The following VPS33A variants were observed in gnomAD, a reference collection of about 807,000 sequenced individuals.
VPS33A encodes the protein VPS33A core subunit of CORVET and HOPS complexes, also known as vacuolar protein sorting-associated protein 33A.
A neutral mutation model predicts 71.8 loss-of-function variants in VPS33A; 32 were observed. The observed-to-expected ratio is 0.45, with a 90% CI of 0.34 to 0.60. VPS33A has a LOEUF of 0.60. VPS33A is among the 20% of genes least tolerant of loss of function. The probability of loss-of-function intolerance (pLI) is 0.02; values close to 1 mark genes in which losing one functional copy is unlikely to be tolerated. For synonymous variants in VPS33A, 311 were observed against 292.7 expected, an observed-to-expected ratio of 1.06 and a Z score of -0.64; for missense variants, 625 against 748.5, an observed-to-expected ratio of 0.84 and a Z score of 1.92.
chr12:122,241,971 G>C (rs534771176), intron 8 of VPS33A, among the ~76,000 whole-genome samples: 21 of 151,824 alleles, frequency 1.4e-4, no homozygotes, highest in Non-Finnish European at 2.9e-4. Context: ...GCAGTGGCGT[G>C]ATGTCGGCTC....
intron 5 of VPS33A, 116 bp downstream of exon 5, chr12:122,250,867 C>T (rs930138078): frequency 5.1e-5 from 39 of 758,200 alleles, no homozygotes; most frequent in Non-Finnish European, 7.2e-5. Context: ...TTCATGAGTA[C>T]AGTATTCATA....
chr12:122,262,572 T>TA lies in VPS33A; in HGVS notation c.296+999dup, dbSNP rs1333832228. 6.6e-5 allele frequency among the ~76,000 whole-genome samples: 10 copies of TA among 150,580 alleles called. No individual in the cohort carries two copies. The East Asian group carries it at 2.0e-3, about 29-fold the overall frequency. ...GACTCGGCTGGGAGCACTTCCTCTA[T>TA]AGACTGGATGCTATATTAAAATTTA... On this transcript the variant is annotated intron_variant, in intron 3 of 12. Transcript: ENST00000267199.
At chr12:122,246,193 T>C (rs772064667) in intron 6 of VPS33A, among the ~76,000 whole-genome samples, 1 of 152,122 alleles carries the variant, frequency 6.6e-6, no homozygotes, top group Non-Finnish European at 1.5e-5. Context: ...TAATCTGATA[T>C]ATGAAAAAAA....
chr12:122,250,150 A>G, intron 5 of VPS33A, 105 bp from the exon 6 acceptor site: 1 of 1,228,926 alleles, frequency 8.1e-7, no homozygotes, highest in South Asian at 1.6e-5. Context: ...AAGGAGAAAA[A>G]CTGGAAGAGT....
chr12:122,232,307 G>C lies in VPS33A; in HGVS notation c.1730C>G (p.Ala577Gly). The C allele has an allele frequency of 1.2e-6, 2 of 1,614,112 alleles. No homozygotes were observed. Among genetic ancestry groups the C allele is most frequent in the Non-Finnish European group, 1.7e-6 (2 of 1,180,028 alleles). Residue 577 changes from alanine to glycine, a missense_variant, in exon 13 of 13, where the codon GCC (alanine) becomes GGC (glycine). By Grantham distance (60) the Ala-to-Gly change is moderately conservative (BLOSUM62 0). Coordinates refer to ENST00000267199, the MANE Select transcript of VPS33A (RefSeq NM_022916.6). ...LEDGGTEYVI[A>G]TTKLMNGTSW... ...GGTTCCATTCATTAGTTTAGTGGTG[G>C]CAATGACATATTCTGTACCTCCATC...
intron 6 of VPS33A, 65 bp downstream of exon 6, chr12:122,249,806 G>C: frequency 6.9e-7 from 1 of 1,445,596 alleles, no homozygotes; most frequent in Non-Finnish European, 9.4e-7. Context: ...TATACAAACA[G>C]TAGCCTCCAC....
chr12:122,249,735 A>T, intron 6 of VPS33A, 136 bp downstream of exon 6: 1 of 912,164 alleles, frequency 1.1e-6, no homozygotes, highest in Non-Finnish European at 1.6e-6. Flanking sequence ...GGTCTGTATT[A>T]ATCTACACTC....
Position 122,244,666 on chromosome 12 carries a change from G to A in VPS33A, c.872C>T (p.Ser291Phe). 4 of 1,614,182 alleles carry A rather than the reference G, an allele frequency of 2.5e-6. No homozygotes were observed. The highest frequency in any genetic ancestry group is 3.4e-6 in the Non-Finnish European group (4 of 1,180,030). The change falls in exon 7 of 13, where the codon TCT becomes TTT. Residue 291 changes from serine (S) to phenylalanine (F), a missense_variant. By Grantham distance (155) the Ser-to-Phe change is radical (BLOSUM62 -2). Transcript: ENST00000267199. ...GATCTCAGCATAGAGCTCCTCTGCA[G>A]AATTCAGCTGCAGCTTCTTTGCTTC... is the stretch of plus-strand genomic sequence containing the variant. ...PTEAKKLQLNSAEELYAEIRD... is the reference protein window; with the variant it reads ...PTEAKKLQLNFAEELYAEIRD...
At chr12:122,260,967 T>C (rs1385993890) in intron 4 of VPS33A, among the ~76,000 whole-genome samples, 3 of 152,158 alleles carry the variant, frequency 2.0e-5, no homozygotes, top group Non-Finnish European at 4.4e-5. Context: ...AGAGCGAGAC[T>C]CCGTCTCAAA....
At chr12:122,243,574 C>T (rs1188842887) in intron 7 of VPS33A, among the ~76,000 whole-genome samples, 4 of 152,048 alleles carry the variant, frequency 2.6e-5, no homozygotes, top group African/African-American at 7.2e-5. Flanking sequence ...ATGAACAAAG[C>T]GAACATAGCT....
intron 4 of VPS33A, among the ~76,000 whole-genome samples, chr12:122,258,408 G>C (rs1246551377): frequency 6.6e-6 from 1 of 151,968 alleles, no homozygotes; most frequent in Non-Finnish European, 1.5e-5. Flanking sequence ...ATCTCACCAA[G>C]AAAGTGAAAA....
rs767046334 is a variant in VPS33A at position 122,249,913 on chromosome 12, T to A, written c.733A>T (p.Thr245Ser). ...ATTTCATCAATGAGTCCTTCATATG[T>A]CAGCTGAGTGGCAAGAGGTGTTAAT... is the stretch of plus-strand genomic sequence containing the variant. ...DLLTPLATQL[T>S]YEGLIDEIYG... is the part of the protein sequence containing the mutation. Residue 245 changes from threonine (T) to serine (S), a missense_variant, in exon 6 of 13, where the codon ACA becomes TCA. Coordinates refer to ENST00000267199, the MANE Select transcript of VPS33A (RefSeq NM_022916.6). 1 of 1,614,056 alleles carries A rather than the reference T, an allele frequency of 6.2e-7. No homozygotes were observed. Among genetic ancestry groups the A allele is most frequent in the South Asian group, 1.1e-5 (1 of 91,042 alleles).
chr12:122,260,761 G>A (rs542216659), intron 4 of VPS33A, among the ~76,000 whole-genome samples: 3 of 152,154 alleles, frequency 2.0e-5, no homozygotes, highest in African/African-American at 4.8e-5. Flanking sequence ...GGAGGCGGGC[G>A]GATCATGAAG....
rs1218231123 is a variant in VPS33A, at chr12:122,238,604, T to C, written c.1285A>G (p.Lys429Glu). ...ATACTCACCTGGAGAATCTCTCTTT[T>C]GTAATAATCCAAAACTTTTTGTTTG... ...GLKQKVLDYY[K>E]REILQTYGYE... The change falls in exon 10 of 13, where the codon AAA becomes GAA. Residue 429 changes from lysine to glutamate, a missense_variant. Lys to Glu is a moderately conservative substitution (Grantham distance 56). Transcript: ENST00000267199. The C allele has an allele frequency of 6.2e-7, 1 of 1,609,990 alleles. No individual in the cohort carries two copies. The highest frequency in any genetic ancestry group is 8.5e-7 in the Non-Finnish European group (1 of 1,178,810).
intron 6 of VPS33A, among the ~76,000 whole-genome samples, chr12:122,246,342 C>T (rs1002332609): frequency 4.6e-5 from 7 of 152,050 alleles, no homozygotes; most frequent in African/African-American, 1.7e-4. Flanking sequence ...CTCTCTCGCC[C>T]AGGCTGGAGT....
chr12:122,238,655 G>A lies in VPS33A; in HGVS notation c.1234C>T (p.Leu412Phe). 6.2e-7 allele frequency: 1 copy of A among 1,613,870 alleles called. No individual in the cohort carries two copies. Among genetic ancestry groups the A allele is most frequent in the Non-Finnish European group, 8.5e-7 (1 of 1,179,972 alleles). The part of the protein sequence containing the change: ...SLIKVLRLVC[L>F]QSVCNSGLKQ... ...AGCCCACTATTACACACGGATTGGA[G>A]GCAAACTAGTCTTAACACCTTGATC... Residue 412 changes from leucine to phenylalanine, a missense_variant, in exon 10 of 13, where the codon CTC (leucine) becomes TTC (phenylalanine). Transcript: ENST00000267199.
At chr12:122,265,887 G>C (rs1371006335) in intron 1 of VPS33A, among the ~76,000 whole-genome samples, 1 of 152,208 alleles carries the variant, frequency 6.6e-6, no homozygotes, top group Admixed American at 6.5e-5. Flanking sequence ...CATAACACGC[G>C]TGAGCAGCAG....
intron 4 of VPS33A, among the ~76,000 whole-genome samples, chr12:122,253,699 G>T (rs1348742454): frequency 6.6e-6 from 1 of 151,756 alleles, no homozygotes; most frequent in East Asian, 1.9e-4. Flanking sequence ...TTTAATCTTG[G>T]TTGTTTTTCC....
At chr12:122,252,093 A>G (rs58887329) in intron 4 of VPS33A, among the ~76,000 whole-genome samples, 4,353 of 151,624 alleles carry the variant, frequency 0.029, 199 homozygotes, top group African/African-American at 0.1. Flanking sequence ...CCCTGTATCT[A>G]TAAAAAATTA....
Sources: allele counts gnomAD v4.1 joint callset (sites outside exome capture counted in the v4.1 genomes callset), GRCh38; gene constraint gnomAD v4.1.1; transcripts MANE v1.5; gene names NCBI Gene and HGNC (gene_info 2026-07-23, HGNC 2026-07-21).